TICAM1: variants seen among roughly 807,000 people sequenced by gnomAD.
TICAM1 encodes the protein TIR domain-containing adapter molecule 1.
For synonymous variants in TICAM1, 439 were observed against 415.4 expected (o/e 1.06, Z -0.69); for missense variants, 895 against 938.2 (o/e 0.95, Z 0.60).
chr19:4,827,702 G>A (rs1346353448), intron 1 of TICAM1, among the ~76,000 whole-genome samples: 1 of 150,056 alleles, frequency 6.7e-6, no homozygotes, highest in South Asian at 2.1e-4. Context: ...AGCTTGCAGC[G>A]AGCCGAGTTG....
Position 4,816,435 on chromosome 19 carries a change from G to A in TICAM1, c.1943C>T (p.Pro648Leu). The A allele has an allele frequency of 1.9e-6, 3 of 1,559,572 alleles. No individual in the cohort carries two copies. Among genetic ancestry groups the A allele is most frequent in the East Asian group, 2.2e-5 (1 of 44,510 alleles). The change falls in exon 2 of 2, where the codon CCA becomes CTA. Residue 648 changes from proline (P) to leucine (L), a missense_variant. By Grantham distance (98) the Pro-to-Leu change is moderately conservative (BLOSUM62 -3). Transcript: ENST00000248244. The surrounding 1 kb of genome is among the most constrained non-coding windows in gnomAD (Gnocchi z 4.3). ...GGGCAGTGACTGTGGAAAGGCTGCTGGCTGTGGGGAGGGCGGTGGGGGGGT... is the reference window on the plus strand; with the variant it reads ...GGGCAGTGACTGTGGAAAGGCTGCTAGCTGTGGGGAGGGCGGTGGGGGGGT... ...AGTPPPPSPQ[P>L]AAFPQSLPFP...
chr19:4,821,823 T>C (rs1305730473), intron 1 of TICAM1, among the ~76,000 whole-genome samples: 4 of 151,920 alleles, frequency 2.6e-5, no homozygotes, highest in Non-Finnish European at 5.9e-5. Flanking sequence ...TTTGTATTTT[T>C]AGTAGAGACG....
chr19:4,816,532 C>T lies in TICAM1; in HGVS notation c.1846G>A (p.Gly616Arg). The change falls in exon 2 of 2, where the codon GGA (glycine) becomes AGA (arginine). Residue 616 changes from glycine (G) to arginine (R), a missense_variant. By Grantham distance (125) the Gly-to-Arg change is moderately radical. Transcript: ENST00000248244. The surrounding 1 kb of genome is among the most constrained non-coding windows in gnomAD (Gnocchi z 4.3). ...RMPFGGQVPLGAPPPFPTWPG... is the reference protein window; with the variant it reads ...RMPFGGQVPLRAPPPFPTWPG... Reference sequence around the variant, plus strand: ...CAAGTGGGAAAGGGTGGCGGGGCTCCCAGGGGCACCTGGCCCCCAAAGGGC... The same window carrying T: ...CAAGTGGGAAAGGGTGGCGGGGCTCTCAGGGGCACCTGGCCCCCAAAGGGC... 1 of 1,601,248 alleles carries T rather than the reference C, an allele frequency of 6.2e-7. No homozygotes were observed.
Position 4,816,293 on chromosome 19 carries a change from C to T in TICAM1, c.2085G>A (p.Met695Ile), listed in dbSNP as rs778249694. Residue 695 changes from methionine (M) to isoleucine (I), a missense_variant, in exon 2 of 2, where the codon ATG (methionine) becomes ATA (isoleucine). By Grantham distance (10) the Met-to-Ile change is conservative. Transcript: ENST00000248244. The surrounding 1 kb of genome is among the most constrained non-coding windows in gnomAD (Gnocchi z 4.3). ...QMVQLGLNNH[M>I]WNQRGSQAPE... is the part of the protein sequence containing the mutation. The stretch of plus-strand genomic sequence containing the variant: ...GCGCCTGGGACCCTCTCTGGTTCCA[C>T]ATGTGGTTGTTCAGCCCCAGCTGTA... 3.3e-6 allele frequency: 5 copies of T among 1,523,266 alleles called. No individual in the cohort carries two copies. The highest frequency in any genetic ancestry group is 2.2e-5 in the Admixed American group (1 of 45,024). 94.4% of individuals were successfully genotyped at this position (1,523,266 alleles called of 1,614,324 possible).
At chr19:4,825,433 T>A (rs1034850040) in intron 1 of TICAM1, among the ~76,000 whole-genome samples, 3 of 151,906 alleles carry the variant, frequency 2.0e-5, no homozygotes, top group Admixed American at 2.0e-4. Flanking sequence ...AGAGACTGGG[T>A]CTCCCCATGT....
intron 1 of TICAM1, among the ~76,000 whole-genome samples, chr19:4,826,892 G>C (rs1226970666): frequency 6.6e-6 from 1 of 152,126 alleles, no homozygotes; most frequent in Non-Finnish European, 1.5e-5. Context: ...TATGGGGCCT[G>C]AGAAACAGCC....
intron 1 of TICAM1, among the ~76,000 whole-genome samples, chr19:4,825,865 A>G (rs1428321742): frequency 6.6e-6 from 1 of 152,104 alleles, no homozygotes; most frequent in Admixed American, 6.6e-5. Context: ...AGGCTGAGAC[A>G]GGAGAATCGC....
chr19:4,818,102 C>T lies in TICAM1; in HGVS notation c.276G>A (p.Val92=), dbSNP rs529153461. 1.9e-6 allele frequency: 3 copies of T among 1,608,038 alleles called. No individual in the cohort carries two copies. Among genetic ancestry groups the T allele is most frequent in the Admixed American group, 3.3e-5 (2 of 60,000 alleles). ...GGTACAAGCGGGCCACAGCCCAGGACACATCTGGGGGCTCCTCTGGGTCCT... is the reference window on the plus strand; with the variant it reads ...GGTACAAGCGGGCCACAGCCCAGGATACATCTGGGGGCTCCTCTGGGTCCT... The part of the protein sequence containing the change: ...STEDPEEPPD[V]SWAVARLYHL... Residue 92 remains valine, a synonymous_variant, in exon 2 of 2, where the codon GTG becomes GTA. Coordinates refer to ENST00000248244, the MANE Select transcript of TICAM1 (RefSeq NM_182919.4). The surrounding 1 kb of genome is among the most constrained non-coding windows in gnomAD (Gnocchi z 4.0).
At chr19:4,824,115 T>G (rs2146177272) in intron 1 of TICAM1, among the ~76,000 whole-genome samples, 1 of 152,202 alleles carries the variant, frequency 6.6e-6, no homozygotes, top group South Asian at 2.1e-4. Context: ...TTCAAGTTAT[T>G]CTCGTGCCTC....
rs2093591843 is a variant in TICAM1 at position 4,818,467 on chromosome 19, TC to T, written c.-91del. On this transcript the variant is annotated 5_prime_UTR_variant, in exon 2 of 2. Transcript: ENST00000248244. This position sits in a 1 kb window ranked among gnomAD's most constrained non-coding sequence, Gnocchi z 4.0. Reference sequence around the variant, plus strand: ...CCCCCCGCCTTCTGCACGCCCAGTGTCCCCTACCCATTCACTGTTCCAGGTT... The same window carrying T: ...CCCCCCGCCTTCTGCACGCCCAGTGTCCCTACCCATTCACTGTTCCAGGTT... The T allele has an allele frequency of 6.8e-7, 1 of 1,460,656 alleles. No homozygotes were observed. The highest frequency in any genetic ancestry group is 2.8e-5 in the Admixed American group (1 of 35,848). The allele number at this position is 1,460,656 out of a possible 1,614,324, so 90.5% of individuals were successfully genotyped here.
At position 4,817,287 on chromosome 19, in the gene TICAM1, G is replaced by A. The variant is rs1454029056; in HGVS notation, c.1091C>T (p.Pro364Leu). The change falls in exon 2 of 2, where the codon CCT becomes CTT. Residue 364 changes from proline (P) to leucine (L), a missense_variant. Pro to Leu is a moderately conservative substitution (Grantham distance 98). Transcript: ENST00000248244. The surrounding 1 kb of genome is among the most constrained non-coding windows in gnomAD (Gnocchi z 4.7). ...TTPETSPPPP[P>L]PPPSSTPCSA... The stretch of plus-strand genomic sequence containing the variant: ...ACAAGGAGTAGATGAAGGAGGAGGA[G>A]GAGGAGGAGGAGGGGATGTTTCTGG... The A allele has an allele frequency of 1.9e-6, 3 of 1,613,022 alleles. No homozygotes were observed. Among genetic ancestry groups the A allele is most frequent in the Admixed American group, 1.7e-5 (1 of 59,926 alleles).
Position 4,816,386 on chromosome 19 carries a change from A to C in TICAM1, c.1992T>G (p.Pro664=). ...SLPFPQSPAF[P]TASPAPPQSP... The stretch of plus-strand genomic sequence containing the variant: ...TCTGAGGGGGTGCGGGTGAGGCCGT[A>C]GGGAAGGCTGGGGACTGCGGGAAGG... The change falls in exon 2 of 2, where the codon CCT becomes CCG. Residue 664 remains proline, a synonymous_variant. Coordinates refer to ENST00000248244, the MANE Select transcript of TICAM1 (RefSeq NM_182919.4). The surrounding 1 kb of genome is among the most constrained non-coding windows in gnomAD (Gnocchi z 4.3). The C allele has an allele frequency of 6.3e-7, 1 of 1,584,368 alleles. No individual in the cohort carries two copies. The highest frequency in any genetic ancestry group is 8.6e-7 in the Non-Finnish European group (1 of 1,166,400).
chr19:4,819,863 G>A (rs541641874), intron 1 of TICAM1, among the ~76,000 whole-genome samples: 2 of 149,772 alleles, frequency 1.3e-5, no homozygotes, highest in East Asian at 2.0e-4. Context: ...CAACAAGAGC[G>A]AAACCCCGTC....
At chr19:4,827,467 G>T in intron 1 of TICAM1, among the ~76,000 whole-genome samples, 1 of 144,700 alleles carries the variant, frequency 6.9e-6, no homozygotes, top group Non-Finnish European at 1.5e-5. Context: ...GGATAAAAAT[G>T]AAAATGGGCT....
Position 4,817,647 on chromosome 19 carries a change from G to A in TICAM1, c.731C>T (p.Pro244Leu), listed in dbSNP as rs2093589331. Residue 244 changes from proline (P) to leucine (L), a missense_variant, in exon 2 of 2, where the codon CCC becomes CTC. By Grantham distance (98) the Pro-to-Leu change is moderately conservative. Coordinates refer to ENST00000248244, the MANE Select transcript of TICAM1 (RefSeq NM_182919.4). This position sits in a 1 kb window ranked among gnomAD's most constrained non-coding sequence, Gnocchi z 4.7. Reference protein sequence around the residue: ...PQASLVPEPVPGGCQEPEEMS... With the variant: ...PQASLVPEPVLGGCQEPEEMS... Reference sequence around the variant, plus strand: ...CTCCTCAGGCTCCTGGCAGCCACCGGGGACAGGCTCGGGCACCAAGCTGGC... The same window carrying A: ...CTCCTCAGGCTCCTGGCAGCCACCGAGGACAGGCTCGGGCACCAAGCTGGC... The A allele has an allele frequency of 1.9e-6, 3 of 1,584,382 alleles. No homozygotes were observed. Among genetic ancestry groups the A allele is most frequent in the Admixed American group, 1.8e-5 (1 of 57,094 alleles).
In TICAM1 at chr19:4,817,989, T is replaced by C; in HGVS notation, c.389A>G (p.Asp130Gly). The C allele has an allele frequency of 6.2e-7, 1 of 1,612,938 alleles. No individual in the cohort carries two copies. The highest frequency in any genetic ancestry group is 8.5e-7 in the Non-Finnish European group (1 of 1,179,860). The change falls in exon 2 of 2, where the codon GAC (aspartate) becomes GGC (glycine). Residue 130 changes from aspartate to glycine, a missense_variant. Transcript: ENST00000248244. This position sits in a 1 kb window ranked among gnomAD's most constrained non-coding sequence, Gnocchi z 4.7. ...EAVRTLSSRDDHRLGELQDEA... is the reference protein window; with the variant it reads ...EAVRTLSSRDGHRLGELQDEA... ...ATCCTGAAGTTCCCCCAGCCGGTGG[T>C]CGTCCCTGGAGCTGAGGGTGCGGAC...
At chr19:4,826,938 A>G (rs2093606244) in intron 1 of TICAM1, among the ~76,000 whole-genome samples, 1 of 152,164 alleles carries the variant, frequency 6.6e-6, no homozygotes, top group Non-Finnish European at 1.5e-5. Context: ...TTCAGGAAAT[A>G]AGCATATGGC....
Position 4,817,243 on chromosome 19 carries a change from AGG to A in TICAM1, c.1133_1134del (p.Pro378LeufsTer18). 6.3e-7 allele frequency: 1 copy of A among 1,594,046 alleles called. No individual in the cohort carries two copies. The highest frequency in any genetic ancestry group is 8.5e-7 in the Non-Finnish European group (1 of 1,172,648). Reference sequence around the variant, plus strand: ...TCCAGGGAGGAAGGGAACAGGGAGGAGGGGGTCAGGTGAGCTGAACAAGGAGT... The same window carrying A: ...TCCAGGGAGGAAGGGAACAGGGAGGAGGGTCAGGTGAGCTGAACAAGGAGT... The part of the protein sequence containing the change: ...SSTPCSAHLT[P>X]SSLFPSSLES... On this transcript the variant is annotated frameshift_variant, in exon 2 of 2. Transcript: ENST00000248244. LOFTEE classifies it low-confidence loss of function (END_TRUNC). This position sits in a 1 kb window ranked among gnomAD's most constrained non-coding sequence, Gnocchi z 4.7.
Position 4,817,274 on chromosome 19 carries a change from T to TGAAGGA in TICAM1, c.1098_1103dup (p.Pro367_Ser368dup). The TGAAGGA allele has an allele frequency of 1.3e-6, 2 of 1,575,642 alleles. No individual in the cohort carries two copies. Among genetic ancestry groups the TGAAGGA allele is most frequent in the Non-Finnish European group, 1.7e-6 (2 of 1,159,836 alleles). On this transcript the variant is annotated inframe_insertion, in exon 2 of 2. Coordinates refer to ENST00000248244, the MANE Select transcript of TICAM1 (RefSeq NM_182919.4). This position sits in a 1 kb window ranked among gnomAD's most constrained non-coding sequence, Gnocchi z 4.7. The stretch of plus-strand genomic sequence containing the variant: ...TCAGGTGAGCTGAACAAGGAGTAGA[T>TGAAGGA]GAAGGAGGAGGAGGAGGAGGAGGAG...
Sources: gnomAD v4.1 joint callset for allele counts (sites outside exome capture counted in the v4.1 genomes callset) on GRCh38, gnomAD v4.1.1 for gene constraint, Gnocchi (gnomAD v3.1) non-coding constraint, MANE v1.5 for transcripts, NCBI Gene and HGNC (gene_info 2026-07-23, HGNC 2026-07-21) for gene names.